RBFOX1: variants seen among roughly 807,000 people sequenced by gnomAD.
RBFOX1 encodes RNA binding protein fox-1 homolog 1.
A neutral mutation model predicts 57.7 loss-of-function variants in RBFOX1; 8 were observed. The ratio of observed to expected loss-of-function variants is 0.14; its 90% CI spans 0.08 to 0.25. RBFOX1 has a LOEUF of 0.25. Among genes scored for constraint, RBFOX1 ranks in the 10% least tolerant of loss-of-function variants. The probability of loss-of-function intolerance (pLI) is 1.00; values close to 1 mark genes in which losing one functional copy is unlikely to be tolerated. For missense variants in RBFOX1, 611 were observed against 548.5 expected, an observed-to-expected ratio of 1.11 and a Z score of -1.14; for synonymous variants, 326 against 222.4, an observed-to-expected ratio of 1.47 and a Z score of -4.15.
chr16:6,557,638 C>G (rs181199280), intron 2 of RBFOX1, among the ~76,000 whole-genome samples: 6 of 152,334 alleles, frequency 3.9e-5, no homozygotes, highest in African/African-American at 9.6e-5. Context: ...AATTCCCATT[C>G]TATCTCTGAT....
At position 7,112,686 on chromosome 16, in the gene RBFOX1, G is replaced by A. The variant is rs926399278; in HGVS notation, c.27+60588G>A. ...ACTCTGTGTGTGTGTGTGGGTGTGG[G>A]TGTGTCTCTCTGTCTGTCTGTCCGC... On this transcript the variant is annotated intron_variant, in intron 4 of 15. Coordinates refer to ENST00000550418, the MANE Select transcript of RBFOX1 (RefSeq NM_018723.4). Among the ~76,000 whole-genome samples, 21 of 149,672 alleles carry A rather than the reference G, an allele frequency of 1.4e-4. 1 individual carries two copies. Among genetic ancestry groups the A allele is most frequent in the African/African-American group, 5.1e-4 (21 of 40,814 alleles).
intron 3 of RBFOX1, among the ~76,000 whole-genome samples, chr16:6,745,648 A>G (rs958278946): frequency 1.3e-5 from 2 of 152,232 alleles, no homozygotes; most frequent in Admixed American, 6.5e-5. Context: ...AAATTGGTCA[A>G]TATGATAAAA....
rs76401772 is a variant in RBFOX1 at position 7,183,071 on chromosome 16, G to A, written c.27+130973G>A. Reference sequence around the variant, plus strand: ...TGCTTAAACACATGTATAAGTAAGCGAATGATCCCCTAACTGCCAATTTCC... The same window carrying A: ...TGCTTAAACACATGTATAAGTAAGCAAATGATCCCCTAACTGCCAATTTCC... On this transcript the variant is annotated intron_variant, in intron 4 of 15. Coordinates refer to ENST00000550418, the MANE Select transcript of RBFOX1 (RefSeq NM_018723.4). Among the ~76,000 whole-genome samples the A allele has an allele frequency of 9.4e-3, 1,437 of 152,210 alleles. 15 individuals carry two copies. Among genetic ancestry groups the A allele is most frequent in the Non-Finnish European group, 0.014 (966 of 68,026 alleles).
intron 2 of RBFOX1, among the ~76,000 whole-genome samples, chr16:6,639,772 G>C (rs554717769): frequency 2.0e-5 from 3 of 152,058 alleles, no homozygotes; most frequent in East Asian, 1.9e-4. Context: ...CCAGCTACTC[G>C]GGAGGCTGAG....
chr16:6,662,313 G>T (rs1280984399), intron 3 of RBFOX1, among the ~76,000 whole-genome samples: 1 of 152,102 alleles, frequency 6.6e-6, no homozygotes, highest in Non-Finnish European at 1.5e-5. Flanking sequence ...TGAGATGATG[G>T]ATATGTTAAT....
At chr16:5,927,304 AC>A (rs971296565) in intron 4 of RBFOX1, among the ~76,000 whole-genome samples, 5 of 152,366 alleles carry the variant, frequency 3.3e-5, no homozygotes, top group African/African-American at 1.2e-4. Flanking sequence ...TGGCAAACAG[AC>A]TTTTTGCTTG....
At chr16:7,390,106 G>T (rs1424908465) in intron 4 of RBFOX1, among the ~76,000 whole-genome samples, 1 of 152,126 alleles carries the variant, frequency 6.6e-6, no homozygotes, top group East Asian at 1.9e-4. Flanking sequence ...AACAGAGCGA[G>T]AAGGGAGAGG....
chr16:5,353,970 G>C (rs1191386815), intron 1 of RBFOX1, among the ~76,000 whole-genome samples: 1 of 152,088 alleles, frequency 6.6e-6, no homozygotes, highest in Non-Finnish European at 1.5e-5. Flanking sequence ...CAGGATGAAC[G>C]GAGGGGCCAC....
chr16:6,886,612 G>A (rs1410268913), intron 3 of RBFOX1, among the ~76,000 whole-genome samples: 1 of 151,844 alleles, frequency 6.6e-6, no homozygotes. Context: ...AAAATTAGCT[G>A]GGCGTGGTGG....
At chr16:6,695,965 T>C (rs1192376748) in intron 3 of RBFOX1, among the ~76,000 whole-genome samples, 1 of 152,166 alleles carries the variant, frequency 6.6e-6, no homozygotes, top group African/African-American at 2.4e-5. Flanking sequence ...CAATAAGCTT[T>C]TAAAGAGATG....
At chr16:5,336,329 C>G (rs1341611474) in intron 1 of RBFOX1, among the ~76,000 whole-genome samples, 1 of 152,166 alleles carries the variant, frequency 6.6e-6, no homozygotes. Flanking sequence ...TCAATTCAGA[C>G]AGGCTGTTCC....
rs1250499924 is a variant in RBFOX1 at position 7,361,478 on chromosome 16, G to A, written c.28-156669G>A. On this transcript the variant is annotated intron_variant, in intron 4 of 15. Transcript: ENST00000550418. ...TTGGCTGAGGGTTACCTGGTCCCCT[G>A]CTTGACACCCTCCTAGTCCGTGAAA... is the stretch of plus-strand genomic sequence containing the variant. 2.6e-5 allele frequency among the ~76,000 whole-genome samples: 4 copies of A among 152,310 alleles called. No homozygotes were observed. In the East Asian group the frequency reaches 7.7e-4, roughly 29 times the overall value.
chr16:5,854,845 A>G (rs965099900), intron 3 of RBFOX1, among the ~76,000 whole-genome samples: 1 of 152,110 alleles, frequency 6.6e-6, no homozygotes, highest in African/African-American at 2.4e-5. Context: ...TCCCACCCAC[A>G]ATGTAGAAAG....
intron 4 of RBFOX1, 131 bp from the exon 5 acceptor site, chr16:7,518,016 C>G (rs912338399): frequency 1.8e-6 from 2 of 1,142,376 alleles, no homozygotes; most frequent in African/African-American, 3.1e-5. Context: ...TGGTCCATCT[C>G]AGGCTGGTGG....
At chr16:7,202,271 C>G (rs897019750) in intron 4 of RBFOX1, among the ~76,000 whole-genome samples, 3 of 149,664 alleles carry the variant, frequency 2.0e-5, no homozygotes, top group African/African-American at 7.4e-5. Flanking sequence ...TGAGATACCA[C>G]CTCACACACA....
intron 1 of RBFOX1, among the ~76,000 whole-genome samples, chr16:5,462,885 C>G (rs1388006727): frequency 6.6e-6 from 1 of 152,080 alleles, no homozygotes; most frequent in Non-Finnish European, 1.5e-5. Context: ...AGCCCCACGA[C>G]AAAGAATAAT....
At position 6,080,460 on chromosome 16, in the gene RBFOX1, T is replaced by C. The variant is rs116776049; in HGVS notation, c.-127+60468T>C. 4.3e-3 allele frequency among the ~76,000 whole-genome samples: 656 copies of C among 152,280 alleles called. 4 individuals are homozygous for C. Among genetic ancestry groups the C allele is most frequent in the African/African-American group, 0.015 (611 of 41,550 alleles). ...CACCAAGCATTGGCCTGTGTGCTCT[T>C]GCCAGCAAAACAGGTGTGATCCTCA... On this transcript the variant is annotated intron_variant, in intron 1 of 15. Coordinates refer to ENST00000550418, the MANE Select transcript of RBFOX1 (RefSeq NM_018723.4).
intron 3 of RBFOX1, among the ~76,000 whole-genome samples, chr16:5,687,179 C>G (rs1567397556): frequency 6.6e-6 from 1 of 152,130 alleles, no homozygotes; most frequent in South Asian, 2.1e-4. Context: ...TCTCCCAGTA[C>G]AGTGGAATAG....
chr16:6,618,351 A>G (rs2098173973), intron 2 of RBFOX1, among the ~76,000 whole-genome samples: 1 of 152,230 alleles, frequency 6.6e-6, no homozygotes. Flanking sequence ...CTTAGCATAT[A>G]TAAAGCCATT....
Sources: allele counts gnomAD v4.1 joint callset (sites outside exome capture counted in the v4.1 genomes callset), GRCh38; gene constraint gnomAD v4.1.1; transcripts MANE v1.5; gene names NCBI Gene and HGNC (gene_info 2026-07-23, HGNC 2026-07-21).